The following RANBP2 variants were observed in gnomAD, a reference collection of about 807,000 sequenced individuals.
The protein encoded by RANBP2 is E3 SUMO-protein ligase RanBP2.
Under a neutral mutation model 303.6 loss-of-function variants are expected in RANBP2, and 57 were observed. The ratio of observed to expected loss-of-function variants is 0.19; its 90% confidence interval spans 0.15 to 0.23. The LOEUF is 0.23. Ranked by LOEUF, RANBP2 falls within the 10% of genes least tolerant of loss-of-function variation. The pLI is 1.00. For missense variants in RANBP2, 3,138 were observed against 3,780.8 expected, an observed-to-expected ratio of 0.83 and a Z score of 4.46; for synonymous variants, 1,167 against 1,301.5, an observed-to-expected ratio of 0.90 and a Z score of 2.23.
chr2:108,985,497 CCT>C, the RANBP2 span, among the ~76,000 whole-genome samples: 2 of 152,214 alleles, frequency 1.3e-5, no homozygotes, highest in Non-Finnish European at 2.9e-5. Context: ...TTTCCATAGT[CCT>C]CTGTTTTCTC....
chr2:109,581,781 G>T, the RANBP2 span, among the ~76,000 whole-genome samples: 1 of 152,130 alleles, frequency 6.6e-6, no homozygotes, highest in East Asian at 1.9e-4. Flanking sequence ...ATATGCCTGA[G>T]CTCACCATTC....
At chr2:109,677,168 T>C in the RANBP2 span, among the ~76,000 whole-genome samples, 1 of 152,130 alleles carries the variant, frequency 6.6e-6, no homozygotes, top group Non-Finnish European at 1.5e-5. Context: ...TGGGCACCTT[T>C]CCCTGCCTCC....
intron 25 of RANBP2, among the ~76,000 whole-genome samples, chr2:108,779,642 TA>T (rs1678106888): frequency 6.6e-6 from 1 of 152,176 alleles, no homozygotes; most frequent in Non-Finnish European, 1.5e-5. Context: ...CAGCAAGTGA[TA>T]AAAAGTTGAG....
chr2:109,657,225 T>A, the RANBP2 span, among the ~76,000 whole-genome samples: 1 of 152,126 alleles, frequency 6.6e-6, no homozygotes, highest in Non-Finnish European at 1.5e-5. Context: ...GCAGGCAGAC[T>A]GCTTGAGGTC....
At chr2:109,290,363 T>G in the RANBP2 span, among the ~76,000 whole-genome samples, 1 of 152,256 alleles carries the variant, frequency 6.6e-6, no homozygotes, top group African/African-American at 2.4e-5. Context: ...GAGAAATTAG[T>G]GTGATCAGGG....
At chr2:109,213,382 G>C in the RANBP2 span, among the ~76,000 whole-genome samples, 5 of 152,188 alleles carry the variant, frequency 3.3e-5, no homozygotes, top group Non-Finnish European at 7.3e-5. Flanking sequence ...AGGAGGGACG[G>C]ACCAGGGCTC....
At chr2:108,944,962 G>A in the RANBP2 span, among the ~76,000 whole-genome samples, 5 of 152,166 alleles carry the variant, frequency 3.3e-5, no homozygotes, top group South Asian at 4.2e-4. Flanking sequence ...GATGTTTCCC[G>A]TGGTGCAAAG....
At chr2:109,195,564 C>T in the RANBP2 span, among the ~76,000 whole-genome samples, 7 of 152,240 alleles carry the variant, frequency 4.6e-5, no homozygotes, top group African/African-American at 7.2e-5. Flanking sequence ...ACCTAACCCT[C>T]GCATGCTTGA....
chr2:109,364,280 G>A, the RANBP2 span, among the ~76,000 whole-genome samples: 15 of 151,818 alleles, frequency 9.9e-5, no homozygotes, highest in Non-Finnish European at 1.9e-4. Context: ...TAAGCACGTC[G>A]AAGGCATTCT....
chr2:108,876,064 ATAATG>A, the RANBP2 span: 2 of 1,466,838 alleles, frequency 1.4e-6, no homozygotes, highest in Non-Finnish European at 1.9e-6. Context: ...GTGTAATTAA[ATAATG>A]TATTCATTTT....
At chr2:109,500,637 A>G in the RANBP2 span, among the ~76,000 whole-genome samples, 4 of 152,252 alleles carry the variant, frequency 2.6e-5, no homozygotes, top group African/African-American at 4.8e-5. Flanking sequence ...AAATCTTATG[A>G]TTTTTGGAGC....
the RANBP2 span, among the ~76,000 whole-genome samples, chr2:109,159,306 C>T: frequency 2.6e-5 from 4 of 152,200 alleles, no homozygotes; most frequent in Non-Finnish European, 4.4e-5. Flanking sequence ...GCTGCTGTAC[C>T]GCGGTTTCCT....
Position 108,765,388 on chromosome 2 carries a change from G to T in RANBP2, c.4849G>T (p.Val1617Leu), listed in dbSNP as rs768501945. The change falls in exon 20 of 29, where the codon GTA (valine) becomes TTA (leucine). Residue 1617 changes from valine (V) to leucine (L), a missense_variant. Val to Leu is a conservative substitution (Grantham distance 32, BLOSUM62 1). Around this residue, in one of 20 missense-constraint regions of RANBP2, gnomAD observed 28 missense variants for 43.2 expected, o/e 0.65. Coordinates refer to ENST00000283195, the MANE Select transcript of RANBP2 (RefSeq NM_006267.5). ...EGQWDCSVCL[V>L]RNEASATKCI... ...ACAGTGGGATTGCAGTGTGTGCTTA[G>T]TAAGAAATGAAGCCAGTGCTACCAA... 1 of 1,263,796 alleles carries T rather than the reference G, an allele frequency of 7.9e-7. No individual in the cohort carries two copies. Among genetic ancestry groups the T allele is most frequent in the Admixed American group, 1.7e-5 (1 of 58,142 alleles). 78.3% of individuals were successfully genotyped at this position (1,263,796 alleles called of 1,614,324 possible). A position where few individuals can be genotyped will look rare whatever the true frequency, so the allele number is the denominator to read the frequency against.
chr2:108,935,276 A>T, the RANBP2 span, among the ~76,000 whole-genome samples: 1 of 152,126 alleles, frequency 6.6e-6, no homozygotes, highest in Non-Finnish European at 1.5e-5. Flanking sequence ...CTCAGACCCC[A>T]GCCAGGCACT....
the RANBP2 span, among the ~76,000 whole-genome samples, chr2:109,693,565 C>T: frequency 5.9e-5 from 9 of 152,146 alleles, no homozygotes; most frequent in African/African-American, 2.2e-4. Context: ...AAGGGGTTTC[C>T]CCTTTCACTT....
At chr2:108,942,980 A>G in the RANBP2 span, among the ~76,000 whole-genome samples, 1 of 152,218 alleles carries the variant, frequency 6.6e-6, no homozygotes, top group East Asian at 1.9e-4. Context: ...ACGTGCAGGT[A>G]ACCCGGCACA....
At chr2:109,696,820 C>T in the RANBP2 span, among the ~76,000 whole-genome samples, 3 of 152,104 alleles carry the variant, frequency 2.0e-5, no homozygotes, top group Admixed American at 6.5e-5. Context: ...CTCTGTCACT[C>T]AGGCTGGAGT....
the RANBP2 span, among the ~76,000 whole-genome samples, chr2:109,727,023 T>C: frequency 1.3e-5 from 2 of 152,148 alleles, no homozygotes; most frequent in Middle Eastern, 3.2e-3. Flanking sequence ...GGGGCTACAG[T>C]TGGAGGCGCG....
chr2:109,214,684 C>G, the RANBP2 span, among the ~76,000 whole-genome samples: 1 of 152,168 alleles, frequency 6.6e-6, no homozygotes, highest in African/African-American at 2.4e-5. Context: ...CTCTCTCTGT[C>G]CCGTGGACAG....
Sources: gnomAD v4.1 joint callset for allele counts (sites outside exome capture counted in the v4.1 genomes callset) on GRCh38, gnomAD v4.1.1 for gene constraint, gnomAD v4.1.1 regional missense constraint, MANE v1.5 for transcripts, NCBI Gene and HGNC (gene_info 2026-07-23, HGNC 2026-07-21) for gene names.